The following FBXO17 variants were observed in gnomAD, a reference collection of about 807,000 sequenced individuals.
The protein encoded by FBXO17 is F-box protein 17.
In FBXO17, 43 loss-of-function variants were observed where a neutral mutation model predicts 34.1. That is an observed-to-expected ratio of 1.26 (90% CI 0.99 to 1.62). The LOEUF is 1.62. FBXO17 is among the 40% of genes most tolerant of loss of function. The probability of loss-of-function intolerance (pLI) is 0.00; values close to 1 mark genes in which losing one functional copy is unlikely to be tolerated. For missense variants in FBXO17, 424 were observed against 386.7 expected, an observed-to-expected ratio of 1.10 and a Z score of -0.81; for synonymous variants, 169 against 166.0, an observed-to-expected ratio of 1.02 and a Z score of -0.14.
chr19:38,974,655 A>G (rs964843268), intron 1 of FBXO17, among the ~76,000 whole-genome samples: 22 of 152,322 alleles, frequency 1.4e-4, no homozygotes, highest in African/African-American at 5.3e-4. Flanking sequence ...GAAATAAGAA[A>G]TAACAATCCA....
Position 38,942,405 on chromosome 19 carries a change from G to T in FBXO17, c.*203C>A, listed in dbSNP as rs959874533. On this transcript the variant is annotated 3_prime_UTR_variant, in exon 6 of 6. Transcript: ENST00000292852. ...GCCTCCTGAGTAGCTGGGACTACAG[G>T]CGGCACCACCATGCCTGGCTAATTT... 1.9e-5 allele frequency: 8 copies of T among 432,038 alleles called. No individual in the cohort carries two copies. Among genetic ancestry groups the T allele is most frequent in the Non-Finnish European group, 3.1e-5 (8 of 257,660 alleles). The allele number at this position is 432,038 out of a possible 1,614,324, so 26.8% of individuals were successfully genotyped here.
chr19:38,957,338 C>T (rs1344956248), intron 1 of FBXO17, among the ~76,000 whole-genome samples: 1 of 152,068 alleles, frequency 6.6e-6, no homozygotes, highest in Non-Finnish European at 1.5e-5. Flanking sequence ...GTTCTTAGTT[C>T]CCACTCTTCT....
chr19:38,948,631 T>C lies in FBXO17; in HGVS notation c.397A>G (p.Ile133Val), dbSNP rs1417734742. The change falls in exon 3 of 6, where the codon ATA becomes GTA. Residue 133 changes from isoleucine (I) to valine (V), a missense_variant. Coordinates refer to ENST00000292852, the MANE Select transcript of FBXO17 (RefSeq NM_024907.7). ...EVEHGGNGWA[I>V]EKNLTPVPGA... The stretch of plus-strand genomic sequence containing the variant: ...GGCACCGGTGTTAGGTTCTTTTCTA[T>C]GGCCCAGCCGTTCCCGCCATGCTCC... 1.2e-6 allele frequency: 2 copies of C among 1,614,142 alleles called. No homozygotes were observed. The highest frequency in any genetic ancestry group is 1.7e-6 in the Non-Finnish European group (2 of 1,180,012).
In FBXO17 at chr19:38,942,666, C is replaced by T. The variant is rs373282747; in HGVS notation, c.779G>A (p.Gly260Glu). The T allele has an allele frequency of 5.0e-6, 8 of 1,601,058 alleles. No homozygotes were observed. Among genetic ancestry groups the T allele is most frequent in the Middle Eastern group, 1.7e-4 (1 of 6,040 alleles). ...GTGGGTCACAAGGGCGCCATAGTGC[C>T]CCACCCAGGAACTCACGTCTCTCCC... ...QYGRDVSSWV[G>E]HYGALVTHSS... Residue 260 changes from glycine to glutamate, a missense_variant, in exon 6 of 6, where the codon GGG (glycine) becomes GAG (glutamate). Coordinates refer to ENST00000292852, the MANE Select transcript of FBXO17 (RefSeq NM_024907.7).
chr19:38,960,276 A>T (rs1275519155), intron 1 of FBXO17, among the ~76,000 whole-genome samples: 1 of 125,742 alleles, frequency 8.0e-6, no homozygotes, highest in African/African-American at 3.1e-5. Context: ...GTATATTTAT[A>T]ATAAGCCATT....
intron 1 of FBXO17, among the ~76,000 whole-genome samples, chr19:38,958,526 G>C (rs1185184098): frequency 3.3e-5 from 5 of 152,068 alleles, no homozygotes; most frequent in Non-Finnish European, 7.4e-5. Context: ...TTTTGGGAAA[G>C]GTTGAAAAGT....
chr19:38,946,071 T>A (rs1193526114), intron 4 of FBXO17: 2 of 238,474 alleles, frequency 8.4e-6, no homozygotes, highest in African/African-American at 4.6e-5. Context: ...AAGGCATTCA[T>A]CCTAAGCCTG....
At chr19:38,972,439 G>A (rs2144847400) in intron 1 of FBXO17, among the ~76,000 whole-genome samples, 1 of 152,044 alleles carries the variant, frequency 6.6e-6, no homozygotes, top group African/African-American at 2.4e-5. Flanking sequence ...CAGCTACTCA[G>A]GAAGCTGAGG....
In FBXO17 at chr19:38,946,488, T is replaced by G; in HGVS notation, c.541A>C (p.Ile181Leu). Reference sequence around the variant, plus strand: ...CTCACTCACCAGTCAGCCACACAGATCTCAATCTGGGCGCTGTCCAGCAGC... The same window carrying G: ...CTCACTCACCAGTCAGCCACACAGAGCTCAATCTGGGCGCTGTCCAGCAGC... ...QELLDSAQIE[I>L]CVADWWGARE... Residue 181 changes from isoleucine (I) to leucine (L), a missense_variant, in exon 4 of 6, where the codon ATC becomes CTC. Coordinates refer to ENST00000292852, the MANE Select transcript of FBXO17 (RefSeq NM_024907.7). The G allele has an allele frequency of 8.1e-6, 13 of 1,613,992 alleles. No individual in the cohort carries two copies. The highest frequency in any genetic ancestry group is 1.1e-5 in the Non-Finnish European group (13 of 1,179,922).
intron 1 of FBXO17, chr19:38,952,843 C>T (rs1198312154): frequency 2.2e-6 from 1 of 457,004 alleles, no homozygotes; most frequent in Non-Finnish European, 4.4e-6. Flanking sequence ...TCACTCTCCA[C>T]CCATCACTTT....
intron 1 of FBXO17, among the ~76,000 whole-genome samples, chr19:38,955,145 A>C (rs549041021): frequency 6.7e-5 from 10 of 149,724 alleles, no homozygotes; most frequent in Non-Finnish European, 1.5e-4. Flanking sequence ...GTTAGCCAGG[A>C]TGGTCTCGAT....
chr19:38,945,668 G>T (rs1353391502), intron 4 of FBXO17: 1 of 179,688 alleles, frequency 5.6e-6, no homozygotes, highest in African/African-American at 2.7e-5. Context: ...ACCAGAGCCT[G>T]GGGGAGGGGC....
In FBXO17 at chr19:38,950,103, C is replaced by T; in HGVS notation, c.217G>A (p.Ala73Thr). The T allele has an allele frequency of 6.4e-7, 1 of 1,563,296 alleles. No individual in the cohort carries two copies. Among genetic ancestry groups the T allele is most frequent in the Non-Finnish European group, 8.6e-7 (1 of 1,156,752 alleles). ...CAGCGTTGAGCCACTGCGTAGAGTG[C>T]GCGGCCCTCGGCGCTGCGGTCGCGG... The part of the protein sequence containing the change: ...LARDRSAEGR[A>T]LYAVAQRCLP... Residue 73 changes from alanine to threonine, a missense_variant, in exon 2 of 6, where the codon GCA becomes ACA. Transcript: ENST00000292852.
intron 1 of FBXO17, among the ~76,000 whole-genome samples, chr19:38,963,249 GGTTATTT>G (rs1975276831): frequency 6.6e-6 from 1 of 151,768 alleles, no homozygotes; most frequent in Admixed American, 6.6e-5. Context: ...CATGGCTTAG[GGTTATTT>G]GTCCTCTCCT....
At chr19:38,956,153 C>T (rs1975164138) in intron 1 of FBXO17, among the ~76,000 whole-genome samples, 1 of 151,696 alleles carries the variant, frequency 6.6e-6, no homozygotes, top group Non-Finnish European at 1.5e-5. Context: ...GTAATCCCAG[C>T]TACTCAGGAG....
At chr19:38,972,731 C>T (rs1975405734) in intron 1 of FBXO17, among the ~76,000 whole-genome samples, 1 of 152,140 alleles carries the variant, frequency 6.6e-6, no homozygotes, top group Non-Finnish European at 1.5e-5. Context: ...ATGAACATCA[C>T]TATCTGCTCC....
chr19:38,971,698 G>A (rs912609805), intron 1 of FBXO17, among the ~76,000 whole-genome samples: 2 of 151,652 alleles, frequency 1.3e-5, no homozygotes, highest in Non-Finnish European at 2.9e-5. Context: ...GAAGTGGGAG[G>A]ATCACTTGAG....
At chr19:38,945,901 G>A (rs1374209274) in intron 4 of FBXO17, 1 of 180,634 alleles carries the variant, frequency 5.5e-6, no homozygotes, top group African/African-American at 2.4e-5. Context: ...TGGGGGACGG[G>A]AAAGGATGCT....
chr19:38,961,958 C>T (rs1975256478), intron 1 of FBXO17, among the ~76,000 whole-genome samples: 1 of 152,068 alleles, frequency 6.6e-6, no homozygotes, highest in African/African-American at 2.4e-5. Flanking sequence ...CCACCGTGCC[C>T]GGCTTCTTTC....
Sources: allele counts gnomAD v4.1 joint callset (sites outside exome capture counted in the v4.1 genomes callset), GRCh38; gene constraint gnomAD v4.1.1; transcripts MANE v1.5; gene names NCBI Gene and HGNC (gene_info 2026-07-23, HGNC 2026-07-21).